The following GPC6 variants were observed in gnomAD, a reference collection of about 807,000 sequenced individuals.
GPC6 encodes glypican-6.
A neutral mutation model predicts 55.2 loss-of-function variants in GPC6; 14 were observed. The observed-to-expected ratio is 0.25, with a 90% CI of 0.17 to 0.40. The LOEUF is 0.40. Among genes scored for constraint, GPC6 ranks in the 10% least tolerant of loss-of-function variants. The pLI is 1.00. For synonymous variants in GPC6, 278 were observed against 259.6 expected (o/e 1.07, Z -0.68); for missense variants, 641 against 708.5 (o/e 0.90, Z 1.08).
In GPC6 at chr13:94,403,517, G is replaced by T; in HGVS notation, c.*300G>T. 2.6e-6 allele frequency: 1 copy of T among 384,436 alleles called. No individual in the cohort carries two copies. Among genetic ancestry groups the T allele is most frequent in the Non-Finnish European group, 4.9e-6 (1 of 206,040 alleles). The allele number at this position is 384,436 out of a possible 1,614,324, so 23.8% of individuals were successfully genotyped here. On this transcript the variant is annotated 3_prime_UTR_variant, in exon 9 of 9. Coordinates refer to ENST00000377047, the MANE Select transcript of GPC6 (RefSeq NM_005708.5). ...CTTCATTTGCTTTTATGCTGCAGAA[G>T]TAAAGGAATCTCACGTTGTGAGGGT...
chr13:93,934,687 T>A (rs145149531), intron 3 of GPC6, among the ~76,000 whole-genome samples: 14 of 150,928 alleles, frequency 9.3e-5, no homozygotes, highest in African/African-American at 3.2e-4. Flanking sequence ...GTTTTATATA[T>A]ATTTAAGGAT....
chr13:94,089,656 G>A (rs1885409460), intron 4 of GPC6, among the ~76,000 whole-genome samples: 1 of 152,134 alleles, frequency 6.6e-6, no homozygotes, highest in Admixed American at 6.6e-5. Context: ...GAGAAACATG[G>A]CACTAACTGT....
intron 7 of GPC6, among the ~76,000 whole-genome samples, chr13:94,389,241 T>C (rs923395366): frequency 6.6e-6 from 1 of 152,164 alleles, no homozygotes; most frequent in African/African-American, 2.4e-5. Context: ...GTTACAAATC[T>C]AGGCCTCCCA....
chr13:93,830,687 T>C (rs1887456841), intron 3 of GPC6, 142 bp downstream of exon 3: 1 of 709,794 alleles, frequency 1.4e-6, no homozygotes, highest in South Asian at 1.8e-5. Flanking sequence ...ATCAGTTAAA[T>C]ATCAAAGCAT....
chr13:93,375,671 A>G (rs1874862558), intron 1 of GPC6, among the ~76,000 whole-genome samples: 1 of 152,182 alleles, frequency 6.6e-6, no homozygotes, highest in South Asian at 2.1e-4. Context: ...GACAACCTGT[A>G]CAACAAGAAC....
intron 3 of GPC6, among the ~76,000 whole-genome samples, chr13:93,859,933 G>T (rs1286147041): frequency 6.6e-6 from 1 of 151,612 alleles, no homozygotes; most frequent in Admixed American, 6.6e-5. Flanking sequence ...GGATCTCAAC[G>T]GTCCCATCTC....
chr13:93,725,054 A>T (rs1883586494), intron 2 of GPC6, among the ~76,000 whole-genome samples: 1 of 152,054 alleles, frequency 6.6e-6, no homozygotes, highest in African/African-American at 2.4e-5. Context: ...ATACAGTTCA[A>T]TGCTCAGTCT....
intron 3 of GPC6, among the ~76,000 whole-genome samples, chr13:93,952,961 C>CGGTTT (rs1879337505): frequency 6.7e-6 from 1 of 149,538 alleles, no homozygotes; most frequent in Admixed American, 6.7e-5. Flanking sequence ...GCTCAAAACA[C>CGGTTT]CTCTATTATT....
intron 2 of GPC6, among the ~76,000 whole-genome samples, chr13:93,623,804 T>C (rs1198499009): frequency 6.6e-6 from 1 of 152,084 alleles, no homozygotes; most frequent in Non-Finnish European, 1.5e-5. Context: ...ATAGATGATA[T>C]CTTCTTGTAG....
intron 6 of GPC6, among the ~76,000 whole-genome samples, chr13:94,350,573 T>A (rs1037871660): frequency 2.0e-4 from 30 of 152,172 alleles, no homozygotes; most frequent in Admixed American, 1.8e-3. Flanking sequence ...CTTTTGAGTA[T>A]AGTATTATCT....
intron 3 of GPC6, among the ~76,000 whole-genome samples, chr13:93,928,572 C>T (rs180925450): frequency 6.6e-6 from 1 of 151,966 alleles, no homozygotes; most frequent in Non-Finnish European, 1.5e-5. Flanking sequence ...GGGGAAAAGA[C>T]CTTCAAACCT....
chr13:93,780,402 A>T (rs1052130292), intron 2 of GPC6, among the ~76,000 whole-genome samples: 9 of 151,906 alleles, frequency 5.9e-5, no homozygotes, highest in African/African-American at 1.5e-4. Flanking sequence ...TTGTGGATTT[A>T]TTTTTTCCAA....
intron 4 of GPC6, chr13:94,186,982 A>G (rs1889216619): frequency 6.6e-6 from 1 of 152,230 alleles, no homozygotes; most frequent in African/African-American, 2.4e-5. Context: ...TGTATTTTGC[A>G]TAGGCAGATG....
In GPC6 at chr13:93,565,150, G is replaced by A. The variant is rs191110312; in HGVS notation, c.319+19729G>A. 8.5e-5 allele frequency among the ~76,000 whole-genome samples: 13 copies of A among 152,124 alleles called. No homozygotes were observed. The East Asian group carries it at 2.5e-3, about 29-fold the overall frequency. On this transcript the variant is annotated intron_variant, in intron 2 of 8. Transcript: ENST00000377047. The stretch of plus-strand genomic sequence containing the variant: ...CCCCAACTTCACAGACTGTGAACCT[G>A]ACTTCAGTGCCTTTAACTTCCATGG...
chr13:93,828,576 T>A (rs995133319), intron 2 of GPC6, among the ~76,000 whole-genome samples: 1 of 152,106 alleles, frequency 6.6e-6, no homozygotes, highest in Non-Finnish European at 1.5e-5. Flanking sequence ...TCCCTAAAGA[T>A]TCAGAGAGAT....
intron 2 of GPC6, among the ~76,000 whole-genome samples, chr13:93,793,944 C>G (rs1249675004): frequency 6.6e-6 from 1 of 152,146 alleles, no homozygotes; most frequent in African/African-American, 2.4e-5. Context: ...ATGTCTTTAT[C>G]TGTCTATTAA....
At chr13:93,586,237 T>C (rs1877192582) in intron 2 of GPC6, among the ~76,000 whole-genome samples, 1 of 152,188 alleles carries the variant, frequency 6.6e-6, no homozygotes, top group East Asian at 1.9e-4. Flanking sequence ...CCTGTGTTAG[T>C]TTGCTAAAGA....
intron 4 of GPC6, among the ~76,000 whole-genome samples, chr13:94,041,891 A>G (rs890972046): frequency 2.6e-5 from 4 of 151,906 alleles, no homozygotes; most frequent in African/African-American, 9.7e-5. Flanking sequence ...CAAAATTTAC[A>G]TATACCTATC....
intron 3 of GPC6, among the ~76,000 whole-genome samples, chr13:93,998,412 A>C (rs1881652462): frequency 6.6e-6 from 1 of 152,192 alleles, no homozygotes; most frequent in African/African-American, 2.4e-5. Context: ...ACTCAAGCAC[A>C]CCACTAATTA....
Sources: gnomAD v4.1 joint callset for allele counts (sites outside exome capture counted in the v4.1 genomes callset) on GRCh38, gnomAD v4.1.1 for gene constraint, MANE v1.5 for transcripts, NCBI Gene and HGNC (gene_info 2026-07-23, HGNC 2026-07-21) for gene names.